KAT6B: variants seen among roughly 807,000 people sequenced by gnomAD.
KAT6B encodes the protein histone acetyltransferase KAT6B.
Under a neutral mutation model 187.5 loss-of-function variants are expected in KAT6B, and 10 were observed. The ratio of observed to expected loss-of-function variants is 0.05; its 90% CI spans 0.03 to 0.09. The LOEUF (loss-of-function observed/expected upper bound fraction) is 0.09. KAT6B is among the 10% of genes least tolerant of loss of function. The pLI is 1.00. For missense variants in KAT6B, 1,952 were observed against 2,558.9 expected (o/e 0.76, Z 5.12); for synonymous variants, 861 against 926.8 (o/e 0.93, Z 1.29).
At chr10:74,931,518 T>G (rs1045366182) in intron 3 of KAT6B, among the ~76,000 whole-genome samples, 7 of 152,190 alleles carry the variant, frequency 4.6e-5, no homozygotes, top group Non-Finnish European at 8.8e-5. Context: ...AACCTGAATT[T>G]TAGTATTAAA....
At position 74,942,689 on chromosome 10, in the gene KAT6B, C is replaced by T. The variant is rs931727788; in HGVS notation, c.622-17281C>T. Among the ~76,000 whole-genome samples the T allele has an allele frequency of 9.2e-5, 12 of 129,842 alleles. No homozygotes were observed. The East Asian group carries it at 1.3e-3, about 14-fold the overall frequency. 85.2% of individuals were successfully genotyped at this position (129,842 alleles called of 152,430 possible). On this transcript the variant is annotated intron_variant, in intron 3 of 17. Transcript: ENST00000287239. ...CCGATTCAGGAGAATCGCTTGAACC[C>T]GGGAGGTGGAGGTTGCAGTGAGCCG...
In KAT6B at chr10:74,972,443, A is replaced by G. The variant is rs370002792; in HGVS notation, c.929-64A>G. ...GAGCAGCTTATTACAGCTACAACTT[A>G]TATTTAATATCTTCTCTTAAAATGA... On this transcript the variant is annotated intron_variant, in intron 6 of 17. Transcript: ENST00000287239. The G allele has an allele frequency of 3.8e-5, 47 of 1,233,194 alleles. No homozygotes were observed. In the East Asian group the frequency reaches 1.1e-3, roughly 28 times the overall value. 76.4% of individuals were successfully genotyped at this position (1,233,194 alleles called of 1,614,324 possible).
In KAT6B at chr10:75,028,677, G is replaced by A. The variant is rs1212891904; in HGVS notation, c.3853G>A (p.Glu1285Lys). ...TPPETPMEPDEQVTVEEQKET... is the reference protein window; with the variant it reads ...TPPETPMEPDKQVTVEEQKET... ...GCCAGAAACACCCATGGAGCCTGACGAGCAGGTAACAGTGGAAGAACAGAA... is the reference window on the plus strand; with the variant it reads ...GCCAGAAACACCCATGGAGCCTGACAAGCAGGTAACAGTGGAAGAACAGAA... The change falls in exon 18 of 18, where the codon GAG (glutamate) becomes AAG (lysine). Residue 1285 changes from glutamate (E) to lysine (K), a missense_variant. This residue lies in a region of KAT6B where 758 missense variants were observed against 891.4 expected (regional missense o/e 0.85). Transcript: ENST00000287239. The A allele has an allele frequency of 8.7e-6, 14 of 1,614,050 alleles. No individual in the cohort carries two copies. Among genetic ancestry groups the A allele is most frequent in the Admixed American group, 1.7e-5 (1 of 60,014 alleles).
intron 13 of KAT6B, among the ~76,000 whole-genome samples, chr10:75,018,437 C>T (rs1381220253): frequency 6.6e-6 from 1 of 152,206 alleles, no homozygotes; most frequent in African/African-American, 2.4e-5. Context: ...CCATGGACCC[C>T]AAGTTGCCTG....
intron 3 of KAT6B, among the ~76,000 whole-genome samples, chr10:74,872,348 A>C (rs142062302): frequency 2.6e-5 from 4 of 152,288 alleles, no homozygotes; most frequent in African/African-American, 9.6e-5. Flanking sequence ...CATGACCTAA[A>C]TAAAGGTCTC....
chr10:75,017,922 G>A (rs1457079334), intron 13 of KAT6B, among the ~76,000 whole-genome samples: 1 of 152,232 alleles, frequency 6.6e-6, no homozygotes, highest in Non-Finnish European at 1.5e-5. Context: ...TCTTACGTGA[G>A]TAGACTTTGT....
chr10:74,835,458 G>C (rs1841220653), intron 1 of KAT6B, among the ~76,000 whole-genome samples: 2 of 152,206 alleles, frequency 1.3e-5, no homozygotes, highest in African/African-American at 2.4e-5. Flanking sequence ...CTGCACTGTT[G>C]GGTTCAAGGT....
At chr10:74,962,350 A>G (rs1791706803) in intron 4 of KAT6B, among the ~76,000 whole-genome samples, 1 of 152,234 alleles carries the variant, frequency 6.6e-6, no homozygotes, top group African/African-American at 2.4e-5. Flanking sequence ...ACAATAGGCC[A>G]GCATACCTCA....
intron 13 of KAT6B, among the ~76,000 whole-genome samples, chr10:75,010,070 C>T (rs1589802624): frequency 6.6e-6 from 1 of 152,198 alleles, no homozygotes; most frequent in South Asian, 2.1e-4. Context: ...CTTGTCTGGC[C>T]CCCCTCCCAC....
At chr10:75,000,017 A>G (rs1172064511) in intron 13 of KAT6B, among the ~76,000 whole-genome samples, 1 of 152,172 alleles carries the variant, frequency 6.6e-6, no homozygotes, top group Non-Finnish European at 1.5e-5. Context: ...TCTACTAAAA[A>G]TACAAAAATA....
chr10:74,929,172 A>T (rs1250334028), intron 3 of KAT6B, among the ~76,000 whole-genome samples: 1 of 152,148 alleles, frequency 6.6e-6, no homozygotes, highest in Admixed American at 6.5e-5. Flanking sequence ...TTCCTCTTTA[A>T]TGAATTTGAA....
At chr10:74,870,517 A>G in intron 3 of KAT6B, among the ~76,000 whole-genome samples, 1 of 152,324 alleles carries the variant, frequency 6.6e-6, no homozygotes, top group African/African-American at 2.4e-5. Context: ...CTAATTTCAA[A>G]TAAATGCATT....
chr10:74,843,513 A>G (rs1841892785), intron 3 of KAT6B, 35 bp downstream of exon 3: 1 of 1,611,136 alleles, frequency 6.2e-7, no homozygotes, highest in Non-Finnish European at 8.5e-7. Flanking sequence ...CATTCTCACT[A>G]CTGTCCTTTT....
intron 3 of KAT6B, among the ~76,000 whole-genome samples, chr10:74,952,149 G>A (rs1290294133): frequency 6.6e-6 from 1 of 152,124 alleles, no homozygotes; most frequent in Non-Finnish European, 1.5e-5. Flanking sequence ...GAGCTTAGGA[G>A]TTCGAGATGG....
Position 75,014,473 on chromosome 10 carries a change from T to TA in KAT6B, c.2630-6102dup, listed in dbSNP as rs1391910909. ...AGAAAGTATAGGATTTTTTTTAATT[T>TA]AAAAAAATGTTACATAATGGGTTTA... On this transcript the variant is annotated intron_variant, in intron 13 of 17. Coordinates refer to ENST00000287239, the MANE Select transcript of KAT6B (RefSeq NM_012330.4). 1.1e-4 allele frequency among the ~76,000 whole-genome samples: 16 copies of TA among 152,224 alleles called. No individual in the cohort carries two copies. The East Asian group carries it at 2.9e-3, about 27-fold the overall frequency.
intron 13 of KAT6B, among the ~76,000 whole-genome samples, chr10:74,989,719 TA>T (rs1843010745): frequency 6.6e-6 from 1 of 152,200 alleles, no homozygotes; most frequent in Non-Finnish European, 1.5e-5. Context: ...AAAACCGGCA[TA>T]ATATATAAAA....
chr10:74,935,235 G>A (rs925321886), intron 3 of KAT6B, among the ~76,000 whole-genome samples: 2 of 151,722 alleles, frequency 1.3e-5, no homozygotes, highest in East Asian at 1.9e-4. Context: ...AGAATGAAGA[G>A]CACACCCGAT....
chr10:74,878,934 C>T (rs1195513634), intron 3 of KAT6B, among the ~76,000 whole-genome samples: 1 of 152,228 alleles, frequency 6.6e-6, no homozygotes, highest in Non-Finnish European at 1.5e-5. Flanking sequence ...CACCATCTCT[C>T]TATTCCCACA....
At chr10:74,841,313 C>G (rs1841727175) in intron 2 of KAT6B, among the ~76,000 whole-genome samples, 1 of 152,192 alleles carries the variant, frequency 6.6e-6, no homozygotes, top group Non-Finnish European at 1.5e-5. Context: ...TGGCTTACAC[C>G]TATAATCCTA....
Sources: gnomAD v4.1 joint callset for allele counts (sites outside exome capture counted in the v4.1 genomes callset) on GRCh38, gnomAD v4.1.1 for gene constraint, gnomAD v4.1.1 regional missense constraint, MANE v1.5 for transcripts, NCBI Gene and HGNC (gene_info 2026-07-23, HGNC 2026-07-21) for gene names.